SHISA9: variants seen among roughly 807,000 people sequenced by gnomAD.
SHISA9 encodes the protein shisa family member 9.
Under a neutral mutation model 38.0 loss-of-function variants are expected in SHISA9, and 13 were observed. The ratio of observed to expected loss-of-function variants is 0.34; its 90% CI spans 0.22 to 0.54. The LOEUF is 0.54. Ranked by LOEUF, SHISA9 falls within the 20% of genes least tolerant of loss-of-function variation. The pLI is 0.91. For missense variants in SHISA9, 538 were observed against 575.8 expected (o/e 0.93, Z 0.67); for synonymous variants, 275 against 242.0 (o/e 1.14, Z -1.27).
the SHISA9 span, among the ~76,000 whole-genome samples, chr16:13,295,669 T>C: frequency 1.1e-4 from 17 of 152,254 alleles, no homozygotes; most frequent in African/African-American, 4.1e-4. Flanking sequence ...GTAAGAGATG[T>C]GTCAGGTGCC....
the SHISA9 span, among the ~76,000 whole-genome samples, chr16:13,477,183 C>T: frequency 6.6e-6 from 1 of 152,150 alleles, no homozygotes; most frequent in African/African-American, 2.4e-5. Flanking sequence ...ATAGATCTCC[C>T]TGTCTACAAG....
the SHISA9 span, among the ~76,000 whole-genome samples, chr16:13,460,514 C>G: frequency 1.7e-4 from 26 of 152,274 alleles, no homozygotes; most frequent in Admixed American, 5.2e-4. Context: ...AGGCCTGGCA[C>G]TCAAGAATGT....
At chr16:13,031,514 T>C (rs764075643) in intron 2 of SHISA9, among the ~76,000 whole-genome samples, 1 of 152,162 alleles carries the variant, frequency 6.6e-6, no homozygotes, top group African/African-American at 2.4e-5. Flanking sequence ...TTCCTGAGAC[T>C]TAACAAGTAG....
In SHISA9 at chr16:13,015,888, TTC is replaced by T. The variant is rs368915264; in HGVS notation, c.691+99075_691+99076del. On this transcript the variant is annotated intron_variant, in intron 2 of 4. Coordinates refer to ENST00000558583, the MANE Select transcript of SHISA9 (RefSeq NM_001145204.3). ...TTTCTTTCTTTCTTTCTTTCTTTCT[TTC>T]TTTCTTTCTTTCTTTCTTTTCTTTC... Among the ~76,000 whole-genome samples, 441 of 95,410 alleles carry T rather than the reference TTC, an allele frequency of 4.6e-3. 10 individuals carry two copies. Among genetic ancestry groups the T allele is most frequent in the Middle Eastern group, 0.015 (2 of 132 alleles). The allele number at this position is 95,410 out of a possible 152,430, so 62.6% of individuals were successfully genotyped here.
chr16:13,360,969 A>G, the SHISA9 span, among the ~76,000 whole-genome samples: 1 of 151,980 alleles, frequency 6.6e-6, no homozygotes, highest in Non-Finnish European at 1.5e-5. Context: ...CACTTGCTCT[A>G]CTCCTCATTC....
chr16:13,161,708 C>T (rs1337481359), intron 2 of SHISA9, among the ~76,000 whole-genome samples: 1 of 152,108 alleles, frequency 6.6e-6, no homozygotes, highest in Non-Finnish European at 1.5e-5. Context: ...CTTTTATAGG[C>T]AGGGGGTCCT....
chr16:13,225,247 C>A (rs1453766104), intron 4 of SHISA9, among the ~76,000 whole-genome samples: 1 of 152,178 alleles, frequency 6.6e-6, no homozygotes, highest in African/African-American at 2.4e-5. Context: ...TCTAGCAGAG[C>A]CTTCAGATGG....
the SHISA9 span, among the ~76,000 whole-genome samples, chr16:13,521,033 G>A: frequency 2.6e-5 from 4 of 152,138 alleles, no homozygotes; most frequent in Non-Finnish European, 4.4e-5. Context: ...GGTCATCTCT[G>A]TGCATGTTCT....
intron 3 of SHISA9, among the ~76,000 whole-genome samples, chr16:13,204,330 A>G (rs1055874585): frequency 7.2e-5 from 11 of 152,056 alleles, no homozygotes; most frequent in African/African-American, 2.4e-4. Flanking sequence ...GACCTAGAAC[A>G]AGTTCTACAT....
chr16:13,068,250 T>C (rs1385710873), intron 2 of SHISA9, among the ~76,000 whole-genome samples: 1 of 152,236 alleles, frequency 6.6e-6, no homozygotes, highest in Non-Finnish European at 1.5e-5. Flanking sequence ...TGAACAGGAC[T>C]CTTTACCTGC....
At chr16:13,455,117 T>C in the SHISA9 span, among the ~76,000 whole-genome samples, 2 of 152,210 alleles carry the variant, frequency 1.3e-5, no homozygotes, top group African/African-American at 2.4e-5. Context: ...CACATAATTA[T>C]ACCTTTATAC....
chr16:13,465,097 A>C, the SHISA9 span, among the ~76,000 whole-genome samples: 1 of 152,194 alleles, frequency 6.6e-6, no homozygotes, highest in Admixed American at 6.5e-5. Flanking sequence ...TGGAAGAAAT[A>C]ATGATCTATT....
chr16:12,998,633 G>A (rs765964698), intron 2 of SHISA9, among the ~76,000 whole-genome samples: 4 of 152,206 alleles, frequency 2.6e-5, no homozygotes, highest in South Asian at 2.1e-4. Flanking sequence ...TGGCTCAAGC[G>A]ATCCTCCCAC....
intron 1 of SHISA9, chr16:12,911,160 A>G (rs1314259754): frequency 7.1e-6 from 5 of 699,708 alleles, no homozygotes; most frequent in Middle Eastern, 7.0e-4. Context: ...CAGCATTTTT[A>G]TCTTCTGGGA....
chr16:13,139,967 G>T (rs891601782), intron 2 of SHISA9, among the ~76,000 whole-genome samples: 2 of 152,058 alleles, frequency 1.3e-5, no homozygotes, highest in Non-Finnish European at 1.5e-5. Flanking sequence ...TCACCTGACT[G>T]CCCAGCTTGG....
intron 2 of SHISA9, among the ~76,000 whole-genome samples, chr16:13,006,596 T>C (rs1391551516): frequency 6.6e-6 from 1 of 152,216 alleles, no homozygotes; most frequent in Non-Finnish European, 1.5e-5. Context: ...GCACAATGCC[T>C]GGCTCACAAT....
intron 1 of SHISA9, among the ~76,000 whole-genome samples, chr16:12,906,114 T>C (rs1345644062): frequency 6.6e-6 from 1 of 152,200 alleles, no homozygotes; most frequent in African/African-American, 2.4e-5. Flanking sequence ...GAGAGGCTGC[T>C]ATGACACAAA....
chr16:13,207,842 T>C (rs2550562), intron 3 of SHISA9, among the ~76,000 whole-genome samples: 41,588 of 152,144 alleles, frequency 0.27, 6,528 homozygotes, highest in African/African-American at 0.43. Flanking sequence ...TTAATGAAAT[T>C]ATTACCAGCC....
the SHISA9 span, among the ~76,000 whole-genome samples, chr16:13,382,858 A>AAAAC: frequency 9.9e-5 from 15 of 152,148 alleles, no homozygotes; most frequent in South Asian, 2.1e-4. Flanking sequence ...ACTCTGTCTT[A>AAAAC]AAACAAACAA....
Sources: allele counts gnomAD v4.1 joint callset (sites outside exome capture counted in the v4.1 genomes callset), GRCh38; gene constraint gnomAD v4.1.1; transcripts MANE v1.5; gene names NCBI Gene and HGNC (gene_info 2026-07-23, HGNC 2026-07-21).